KCND2: variants seen among roughly 807,000 people sequenced by gnomAD.
KCND2 encodes potassium voltage-gated channel subfamily D member 2.
A neutral mutation model predicts 54.4 loss-of-function variants in KCND2; 16 were observed. That is an observed-to-expected ratio of 0.29 (90% CI 0.20 to 0.45). KCND2 has a LOEUF of 0.45. KCND2 is among the 20% of genes least tolerant of loss of function. KCND2 has a pLI of 1.00. For synonymous variants in KCND2, 317 were observed against 310.7 expected (o/e 1.02, Z -0.21); for missense variants, 486 against 824.2 (o/e 0.59, Z 5.02).
chr7:120,694,736 T>C (rs1337937484), intron 1 of KCND2, among the ~76,000 whole-genome samples: 1 of 152,100 alleles, frequency 6.6e-6, no homozygotes, highest in Non-Finnish European at 1.5e-5. Flanking sequence ...AACGCTGAAG[T>C]TGACCGTCAG....
intron 1 of KCND2, among the ~76,000 whole-genome samples, chr7:120,342,453 T>C (rs890118902): frequency 6.6e-6 from 1 of 152,174 alleles, no homozygotes; most frequent in Non-Finnish European, 1.5e-5. Context: ...TCACCAACGA[T>C]AAATGATTCA....
intron 1 of KCND2, among the ~76,000 whole-genome samples, chr7:120,658,642 T>C (rs1791831311): frequency 6.6e-6 from 1 of 152,162 alleles, no homozygotes; most frequent in Non-Finnish European, 1.5e-5. Flanking sequence ...GACACCAACA[T>C]TCAAACCTTG....
At chr7:120,728,755 C>A (rs561991150) in intron 1 of KCND2, among the ~76,000 whole-genome samples, 43 of 151,728 alleles carry the variant, frequency 2.8e-4, no homozygotes, top group African/African-American at 1.0e-3. Flanking sequence ...GATTTTTCAA[C>A]GACTGAGTAC....
At position 120,708,643 on chromosome 7, in the gene KCND2, G is replaced by A. The variant is rs1318525157; in HGVS notation, c.1116-24260G>A. 2.0e-5 allele frequency among the ~76,000 whole-genome samples: 3 copies of A among 152,014 alleles called. No homozygotes were observed. The East Asian group carries it at 5.8e-4, about 29-fold the overall frequency. On this transcript the variant is annotated intron_variant, in intron 1 of 5. Coordinates refer to ENST00000331113, the MANE Select transcript of KCND2 (RefSeq NM_012281.3). ...TATAATTTTCATAGATGTCTTGTGA[G>A]ACAGGCATTTGTATTTCTTCCCCTT...
chr7:120,521,690 C>A (rs1277100949), intron 1 of KCND2, among the ~76,000 whole-genome samples: 1 of 152,104 alleles, frequency 6.6e-6, no homozygotes, highest in Non-Finnish European at 1.5e-5. Flanking sequence ...GATATTAGAA[C>A]ATAAAAACTA....
intron 1 of KCND2, among the ~76,000 whole-genome samples, chr7:120,329,719 T>C (rs1800035381): frequency 6.6e-6 from 1 of 152,172 alleles, no homozygotes; most frequent in Non-Finnish European, 1.5e-5. Context: ...ATAAAATTCT[T>C]TCAAACTACC....
chr7:120,320,960 T>G (rs1166354018), intron 1 of KCND2, among the ~76,000 whole-genome samples: 1 of 152,116 alleles, frequency 6.6e-6, no homozygotes, highest in Non-Finnish European at 1.5e-5. Flanking sequence ...GAGTGAAGAA[T>G]TTTTCAGTGG....
At chr7:120,679,388 T>G (rs1347548671) in intron 1 of KCND2, among the ~76,000 whole-genome samples, 1 of 152,006 alleles carries the variant, frequency 6.6e-6, no homozygotes, top group Non-Finnish European at 1.5e-5. Context: ...GGCAGGCATT[T>G]TGGAGAATTC....
At chr7:120,597,385 TA>T (rs1792759277) in intron 1 of KCND2, among the ~76,000 whole-genome samples, 2 of 152,234 alleles carry the variant, frequency 1.3e-5, no homozygotes, top group South Asian at 4.1e-4. Flanking sequence ...TTTAATTTTT[TA>T]TATGTTTCAT....
chr7:120,378,088 G>A (rs974954300), intron 1 of KCND2, among the ~76,000 whole-genome samples: 38 of 151,862 alleles, frequency 2.5e-4, no homozygotes, highest in African/African-American at 8.9e-4. Flanking sequence ...AAACACTTAA[G>A]CCTAGAACAT....
rs554249273 is a variant in KCND2, at chr7:120,639,242, T to C, written c.1116-93661T>C. Among the ~76,000 whole-genome samples, 12 of 152,248 alleles carry C rather than the reference T, an allele frequency of 7.9e-5. No individual in the cohort carries two copies. The South Asian group carries it at 2.5e-3, about 32-fold the overall frequency. On this transcript the variant is annotated intron_variant, in intron 1 of 5. Coordinates refer to ENST00000331113, the MANE Select transcript of KCND2 (RefSeq NM_012281.3). The stretch of plus-strand genomic sequence containing the variant: ...TTTCTGACTTTATTCACACAGTAAA[T>C]GAAAGTGAAAAAGAATACCTCTGAA...
At chr7:120,486,818 T>G (rs960982658) in intron 1 of KCND2, among the ~76,000 whole-genome samples, 1 of 151,874 alleles carries the variant, frequency 6.6e-6, no homozygotes, top group African/African-American at 2.4e-5. Context: ...GTATGTGTAA[T>G]AAGCCCAAAA....
At chr7:120,537,612 A>G (rs1791928338) in intron 1 of KCND2, among the ~76,000 whole-genome samples, 1 of 152,234 alleles carries the variant, frequency 6.6e-6, no homozygotes, top group Non-Finnish European at 1.5e-5. Flanking sequence ...TGCTTAGTGT[A>G]GCTACCTTCA....
At chr7:120,611,583 A>G (rs1249719127) in intron 1 of KCND2, among the ~76,000 whole-genome samples, 1 of 152,168 alleles carries the variant, frequency 6.6e-6, no homozygotes, top group African/African-American at 2.4e-5. Context: ...TGTGTCCAGA[A>G]AACCCTGATT....
At chr7:120,589,334 A>C (rs10085583) in intron 1 of KCND2, among the ~76,000 whole-genome samples, 8,708 of 152,288 alleles carry the variant, frequency 0.057, 725 homozygotes, top group African/African-American at 0.19. Flanking sequence ...ATTTAGGCCT[A>C]AAATTTAATT....
rs1487871372 is a variant in KCND2 at position 120,650,834 on chromosome 7, G to A, written c.1116-82069G>A. Among the ~76,000 whole-genome samples the A allele has an allele frequency of 2.1e-5, 3 of 143,960 alleles. No homozygotes were observed. The East Asian group carries it at 5.8e-4, about 28-fold the overall frequency. 94.4% of individuals were successfully genotyped at this position (143,960 alleles called of 152,430 possible). A position where few individuals can be genotyped will look rare whatever the true frequency, so the allele number is the denominator to read the frequency against. ...CTGTTTGTTAGTTTTCCTTCTAACA[G>A]TCAGGACCCTCAGCTGCAGGTCTGT... On this transcript the variant is annotated intron_variant, in intron 1 of 5. Transcript: ENST00000331113.
chr7:120,317,609 A>G (rs1053152540), intron 1 of KCND2, among the ~76,000 whole-genome samples: 9 of 152,198 alleles, frequency 5.9e-5, no homozygotes, highest in African/African-American at 1.4e-4. Context: ...CCCAAAATTT[A>G]AGGATAGGTT....
At chr7:120,517,309 T>C (rs1489372526) in intron 1 of KCND2, among the ~76,000 whole-genome samples, 1 of 152,048 alleles carries the variant, frequency 6.6e-6, no homozygotes. Flanking sequence ...ATAAAATGAG[T>C]AGTATTTTAT....
intron 1 of KCND2, among the ~76,000 whole-genome samples, chr7:120,309,464 TATATATATATAC>T (rs1158589232): frequency 3.4e-5 from 4 of 119,188 alleles, no homozygotes; most frequent in Admixed American, 8.7e-5. Context: ...TATATATATA[TATATATATATAC>T]ACACACACAC....
Sources: gnomAD v4.1 joint callset for allele counts (sites outside exome capture counted in the v4.1 genomes callset) on GRCh38, gnomAD v4.1.1 for gene constraint, MANE v1.5 for transcripts, NCBI Gene and HGNC (gene_info 2026-07-23, HGNC 2026-07-21) for gene names.